Variants in GNL3L observed in about 807,000 individuals in gnomAD.
GNL3L encodes guanine nucleotide-binding protein-like 3-like protein.
GNL3L carries 4 observed loss-of-function variants against 42.9 expected under a neutral mutation model. The ratio of observed to expected loss-of-function variants is 0.09; its 90% confidence interval spans 0.05 to 0.21. GNL3L has a LOEUF of 0.21. Ranked by LOEUF, GNL3L falls within the 10% of genes least tolerant of loss-of-function variation. GNL3L has a pLI of 1.00. For missense variants in GNL3L, 412 were observed against 481.7 expected, an observed-to-expected ratio of 0.86 and a Z score of 1.36; for synonymous variants, 159 against 176.3, an observed-to-expected ratio of 0.90 and a Z score of 0.78.
chrX:54,591,190 T>C (rs1313114904), intron 16 of GNL3L, among the ~76,000 whole-genome samples: 1 of 110,941 alleles, frequency 9.0e-6, no homozygotes, highest in Non-Finnish European at 1.9e-5. Flanking sequence ...TGGTGAGAGA[T>C]TGGGGCCCAG....
At chrX:54,554,752 C>T (rs1004354368) in intron 14 of GNL3L, 60 bp downstream of exon 14, 11 of 1,067,729 alleles carry the variant, frequency 1.0e-5, no homozygotes, top group African/African-American at 1.8e-5. Context: ...GGGAAGTGGT[C>T]AATCCCTTTT....
chrX:54,612,937 A>G (rs1405251699), intron 16 of GNL3L, among the ~76,000 whole-genome samples: 1 of 111,802 alleles, frequency 8.9e-6, no homozygotes, highest in Non-Finnish European at 1.9e-5. Context: ...TGAATTTTCC[A>G]GGTATTCTTT....
chrX:54,642,273 G>T, the GNL3L span, among the ~76,000 whole-genome samples: 1 of 111,840 alleles, frequency 8.9e-6, no homozygotes, highest in Non-Finnish European at 1.9e-5. Context: ...TGGTCTGTCA[G>T]ATTCTCTTAA....
intron 8 of GNL3L, among the ~76,000 whole-genome samples, chrX:54,547,662 G>C (rs1438648292): frequency 8.9e-6 from 1 of 111,766 alleles, no homozygotes; most frequent in Admixed American, 9.5e-5. Flanking sequence ...CCAAGGTTGT[G>C]CCACCACACT....
In GNL3L at chrX:54,544,141, G is replaced by T. The variant is rs192356452; in HGVS notation, c.527-82G>T. 8 of 525,441 alleles carry T rather than the reference G, an allele frequency of 1.5e-5. No homozygotes were observed. In the East Asian group the frequency reaches 2.9e-4, roughly 19 times the overall value. 43.3% of individuals were successfully genotyped at this position (525,441 alleles called of 1,213,427 possible). A position where few individuals can be genotyped will look rare whatever the true frequency, so the allele number is the denominator to read the frequency against. ...TGATGGTAGGTGGGCCTAGCTTTGGGTACGGGTGGAGGTGTCTTTGGAGGG... is the reference window on the plus strand; with the variant it reads ...TGATGGTAGGTGGGCCTAGCTTTGGTTACGGGTGGAGGTGTCTTTGGAGGG... On this transcript the variant is annotated intron_variant, in intron 7 of 15. Coordinates refer to ENST00000360845, the MANE Select transcript of GNL3L (RefSeq NM_001184819.2).
At chrX:54,581,944 T>G (rs1381172235) in intron 16 of GNL3L, among the ~76,000 whole-genome samples, 3 of 112,096 alleles carry the variant, frequency 2.7e-5, no homozygotes, top group Non-Finnish European at 5.6e-5. Context: ...GTGGAATTTC[T>G]GAGTTATGTA....
chrX:54,546,909 G>A (rs1924788746), intron 8 of GNL3L, among the ~76,000 whole-genome samples: 1 of 110,583 alleles, frequency 9.0e-6, no homozygotes, highest in Non-Finnish European at 1.9e-5. Flanking sequence ...GCTTCCCAAA[G>A]TACTGGGATT....
chrX:54,609,511 G>C (rs1017890808), intron 16 of GNL3L, among the ~76,000 whole-genome samples: 2 of 112,285 alleles, frequency 1.8e-5, no homozygotes, highest in African/African-American at 6.5e-5. Flanking sequence ...AATTTATCTC[G>C]AGTTGATTTT....
At chrX:54,618,043 C>T (rs1219768104) in intron 16 of GNL3L, among the ~76,000 whole-genome samples, 1 of 110,294 alleles carries the variant, frequency 9.1e-6, no homozygotes, top group East Asian at 2.8e-4. Context: ...AAAAATTTAG[C>T]TCTCAGTTAA....
chrX:54,617,740 C>T (rs1392050089), intron 16 of GNL3L, among the ~76,000 whole-genome samples: 1 of 111,878 alleles, frequency 8.9e-6, no homozygotes, highest in Non-Finnish European at 1.9e-5. Context: ...TTGCCCCTTC[C>T]ACTGTGTGAG....
At chrX:54,581,089 T>G (rs1467642334) in intron 16 of GNL3L, among the ~76,000 whole-genome samples, 1 of 112,345 alleles carries the variant, frequency 8.9e-6, no homozygotes, top group Non-Finnish European at 1.9e-5. Flanking sequence ...CCTAAACTTT[T>G]AATTTTTAGA....
chrX:54,542,716 A>G (rs907251723), intron 5 of GNL3L, among the ~76,000 whole-genome samples: 1 of 111,814 alleles, frequency 8.9e-6, no homozygotes, highest in Non-Finnish European at 1.9e-5. Context: ...TCCCACCAAC[A>G]GTGTAAAAGT....
chrX:54,607,049 T>TCTTTC (rs1926084046), intron 16 of GNL3L, among the ~76,000 whole-genome samples: 1 of 70,670 alleles, frequency 1.4e-5, no homozygotes, highest in African/African-American at 8.6e-5. Flanking sequence ...TCTTTCTTTC[T>TCTTTC]TTCTTTCTTT....
intron 16 of GNL3L, among the ~76,000 whole-genome samples, chrX:54,591,779 G>A (rs1014964468): frequency 2.6e-4 from 29 of 110,708 alleles, no homozygotes; most frequent in Non-Finnish European, 4.0e-4. Context: ...ATTTTGCTAA[G>A]GATAACATTG....
Position 54,548,271 on chromosome X carries a change from C to G in GNL3L, c.673C>G (p.Leu225Val). 2 of 1,204,664 alleles carry G rather than the reference C, an allele frequency of 1.7e-6. No individual in the cohort carries two copies. Among genetic ancestry groups the G allele is most frequent in the Non-Finnish European group, 2.2e-6 (2 of 889,413 alleles). Residue 225 changes from leucine to valine, a missense_variant, in exon 9 of 16, where the codon CTG becomes GTG. By Grantham distance (32) the Leu-to-Val change is conservative. Transcript: ENST00000360845. ...AGTAGATCAGGCCTCTGAGTCACTGCTGAAAAGCAAAGCCTGCTTTGGAGC... is the reference window on the plus strand; with the variant it reads ...AGTAGATCAGGCCTCTGAGTCACTGGTGAAAAGCAAAGCCTGCTTTGGAGC... ...VPVDQASESL[L>V]KSKACFGAEN... is the part of the protein sequence containing the mutation.
downstream of GNL3L, among the ~76,000 whole-genome samples, chrX:54,571,734 GT>G (rs1043358818): frequency 9.1e-6 from 1 of 109,408 alleles, no homozygotes. Context: ...GCCTTGGTGG[GT>G]TTTTTTCTTT....
intron 8 of GNL3L, 73 bp downstream of exon 8, chrX:54,544,399 G>T: frequency 1.9e-6 from 1 of 523,157 alleles, no homozygotes; most frequent in South Asian, 2.8e-5. Context: ...GTCGTGACTT[G>T]GACTGGGACC....
At chrX:54,537,740 G>T (rs910424422) in intron 2 of GNL3L, among the ~76,000 whole-genome samples, 2 of 110,873 alleles carry the variant, frequency 1.8e-5, no homozygotes, top group African/African-American at 6.6e-5. Context: ...GTGCTACTGT[G>T]CCCAGCTTAA....
At chrX:54,545,919 G>A (rs894967624) in intron 8 of GNL3L, among the ~76,000 whole-genome samples, 2 of 112,395 alleles carry the variant, frequency 1.8e-5, no homozygotes, top group African/African-American at 6.5e-5. Context: ...CGTGATGATA[G>A]CTCATTGCAG....
Sources: allele counts gnomAD v4.1 joint callset (sites outside exome capture counted in the v4.1 genomes callset), GRCh38; gene constraint gnomAD v4.1.1; transcripts MANE v1.5; gene names NCBI Gene and HGNC (gene_info 2026-07-23, HGNC 2026-07-21).